Variants in ROBO1 observed in about 807,000 individuals in gnomAD.
ROBO1 encodes roundabout guidance receptor 1.
ROBO1 carries 149 observed loss-of-function variants against 195.9 expected under a neutral mutation model. The observed-to-expected ratio is 0.76, with a 90% CI of 0.67 to 0.87. ROBO1 has a LOEUF of 0.87. Ranked by LOEUF, ROBO1 falls within the 40% of genes least tolerant of loss-of-function variation. ROBO1 has a pLI of 0.00. For synonymous variants in ROBO1, 816 were observed against 733.2 expected, an observed-to-expected ratio of 1.11 and a Z score of -1.82; for missense variants, 1,933 against 2,068.3, an observed-to-expected ratio of 0.93 and a Z score of 1.27.
intron 8 of ROBO1, among the ~76,000 whole-genome samples, chr3:78,698,038 C>T (rs1207996142): frequency 2.6e-5 from 4 of 152,004 alleles, no homozygotes; most frequent in South Asian, 2.1e-4. Context: ...TAAATTGAGG[C>T]GATTTTTTCC....
intron 2 of ROBO1, among the ~76,000 whole-genome samples, chr3:79,169,337 T>A (rs78802844): frequency 0.089 from 13,473 of 152,224 alleles, 1,026 homozygotes; most frequent in African/African-American, 0.21. Flanking sequence ...CTTGTCGTTT[T>A]TTTCTTTTGC....
chr3:79,260,541 C>A (rs2082920682), intron 2 of ROBO1, among the ~76,000 whole-genome samples: 1 of 152,120 alleles, frequency 6.6e-6, no homozygotes. Context: ...GAATGTTCTT[C>A]TCACTACAAG....
intron 1 of ROBO1, among the ~76,000 whole-genome samples, chr3:79,646,854 G>C (rs1179503327): frequency 6.6e-6 from 1 of 151,998 alleles, no homozygotes; most frequent in Non-Finnish European, 1.5e-5. Context: ...GGAGGTAAAA[G>C]AGCAGATCCC....
At chr3:79,226,203 C>G (rs2082224483) in intron 2 of ROBO1, among the ~76,000 whole-genome samples, 1 of 152,092 alleles carries the variant, frequency 6.6e-6, no homozygotes, top group Admixed American at 6.6e-5. Flanking sequence ...ATTCCCTTGT[C>G]TTTTTATCAC....
At chr3:79,367,762 T>C (rs1485418567) in intron 2 of ROBO1, among the ~76,000 whole-genome samples, 1 of 152,202 alleles carries the variant, frequency 6.6e-6, no homozygotes, top group Non-Finnish European at 1.5e-5. Flanking sequence ...CATTTTTCAC[T>C]TTTCTCACAA....
chr3:78,773,481 G>A (rs958750323), intron 4 of ROBO1, among the ~76,000 whole-genome samples: 1 of 152,170 alleles, frequency 6.6e-6, no homozygotes, highest in East Asian at 1.9e-4. Flanking sequence ...TGATTAAACT[G>A]TTGCCTAAAA....
chr3:78,696,805 G>T (rs1243049168), intron 8 of ROBO1, among the ~76,000 whole-genome samples: 1 of 149,922 alleles, frequency 6.7e-6, no homozygotes, highest in Non-Finnish European at 1.5e-5. Context: ...AATATTTTAA[G>T]AATATTTAGC....
intron 3 of ROBO1, among the ~76,000 whole-genome samples, chr3:79,090,459 T>TC (rs1469524398): frequency 2.1e-4 from 19 of 90,364 alleles, no homozygotes; most frequent in East Asian, 3.6e-4. Context: ...TCCCCTCCCC[T>TC]CCCCCCGCTT....
At chr3:79,750,382 A>G (rs1409967414) in intron 1 of ROBO1, among the ~76,000 whole-genome samples, 2 of 152,204 alleles carry the variant, frequency 1.3e-5, no homozygotes. Context: ...AGTTAATGCT[A>G]AAATGAGTTA....
At chr3:78,676,670 C>T (rs1358622110) in intron 10 of ROBO1, among the ~76,000 whole-genome samples, 1 of 152,074 alleles carries the variant, frequency 6.6e-6, no homozygotes, top group Non-Finnish European at 1.5e-5. Context: ...AAATATGGGA[C>T]TATGTGAAAA....
chr3:78,714,406 T>G lies in ROBO1; in HGVS notation c.1036A>C (p.Thr346Pro). 6.2e-7 allele frequency: 1 copy of G among 1,612,288 alleles called. No individual in the cohort carries two copies. Residue 346 changes from threonine (T) to proline (P), a missense_variant, in exon 8 of 31, where the codon ACT (threonine) becomes CCT (proline). Transcript: ENST00000464233. The part of the protein sequence containing the change: ...VGKAEASATL[T>P]VQEPPHFVVK... ...CTTTCCCAATGCCTACCTTGAACAG[T>G]CAGAGTAGCAGATGCTTCAGCTTTG...
chr3:79,036,499 C>T (rs1276054556), intron 3 of ROBO1, among the ~76,000 whole-genome samples: 3 of 152,084 alleles, frequency 2.0e-5, no homozygotes, highest in African/African-American at 7.2e-5. Flanking sequence ...CAAAGAAATA[C>T]TTGCTTTTGG....
At chr3:79,442,436 G>T (rs2039088675) in intron 2 of ROBO1, among the ~76,000 whole-genome samples, 1 of 152,154 alleles carries the variant, frequency 6.6e-6, no homozygotes, top group Non-Finnish European at 1.5e-5. Context: ...TAGATTTAGA[G>T]ATTAATGTAA....
intron 1 of ROBO1, among the ~76,000 whole-genome samples, chr3:79,603,541 G>A (rs1944399416): frequency 6.6e-6 from 1 of 151,968 alleles, no homozygotes; most frequent in Non-Finnish European, 1.5e-5. Context: ...ACCTGCGAGT[G>A]TTGGGTGTCA....
intron 1 of ROBO1, among the ~76,000 whole-genome samples, chr3:79,713,433 G>C (rs374920282): frequency 2.0e-5 from 3 of 152,214 alleles, no homozygotes; most frequent in East Asian, 3.9e-4. Context: ...AAGGTCAAAA[G>C]GTAAACATGA....
At chr3:79,221,411 T>C (rs1188283102) in intron 2 of ROBO1, among the ~76,000 whole-genome samples, 5 of 152,098 alleles carry the variant, frequency 3.3e-5, no homozygotes, top group African/African-American at 1.2e-4. Flanking sequence ...TTTTGAAGTT[T>C]TAACTCAGAA....
intron 2 of ROBO1, among the ~76,000 whole-genome samples, chr3:79,558,851 C>T (rs961007261): frequency 2.6e-5 from 4 of 152,060 alleles, no homozygotes; most frequent in African/African-American, 7.2e-5. Flanking sequence ...TTATAAATAG[C>T]TGTTTTTTAT....
At chr3:79,235,278 T>C (rs1248759327) in intron 2 of ROBO1, among the ~76,000 whole-genome samples, 2 of 152,212 alleles carry the variant, frequency 1.3e-5, no homozygotes, top group Non-Finnish European at 2.9e-5. Context: ...AGAAAGTTTT[T>C]ATTTTTTAAA....
intron 1 of ROBO1, among the ~76,000 whole-genome samples, chr3:79,670,552 C>G (rs2106898109): frequency 6.6e-6 from 1 of 151,896 alleles, no homozygotes; most frequent in South Asian, 2.1e-4. Flanking sequence ...TAGACTACAC[C>G]ATAGAAACTG....
Sources: gnomAD v4.1 joint callset for allele counts (sites outside exome capture counted in the v4.1 genomes callset) on GRCh38, gnomAD v4.1.1 for gene constraint, MANE v1.5 for transcripts, NCBI Gene and HGNC (gene_info 2026-07-23, HGNC 2026-07-21) for gene names.